Variants in CAMTA1 observed in about 807,000 individuals in gnomAD.
CAMTA1 encodes the protein calmodulin-binding transcription activator 1.
Under a neutral mutation model 170.9 loss-of-function variants are expected in CAMTA1, and 27 were observed. The ratio of observed to expected loss-of-function variants is 0.16; its 90% CI spans 0.12 to 0.22. The LOEUF is 0.22. Among genes scored for constraint, CAMTA1 ranks in the 10% least tolerant of loss-of-function variants. The pLI, the probability that CAMTA1 is intolerant of heterozygous loss-of-function variation, is 1.00. For synonymous variants in CAMTA1, 833 were observed against 891.5 expected (o/e 0.93, Z 1.17); for missense variants, 1,619 against 2,217.2 (o/e 0.73, Z 5.42).
intron 4 of CAMTA1, among the ~76,000 whole-genome samples, chr1:7,229,360 G>A (rs1050211478): frequency 2.0e-5 from 3 of 147,052 alleles, no homozygotes; most frequent in African/African-American, 7.6e-5. Flanking sequence ...GAGGCAGCTG[G>A]AGGCCAGGAC....
chr1:7,765,621 C>T (rs1377062918), intron 22 of CAMTA1, among the ~76,000 whole-genome samples: 3 of 152,102 alleles, frequency 2.0e-5, no homozygotes, highest in Admixed American at 1.3e-4. Context: ...ATCAAAGTCT[C>T]CACAAAACCT....
chr1:7,343,811 G>A (rs2084017529), intron 5 of CAMTA1, among the ~76,000 whole-genome samples: 1 of 152,064 alleles, frequency 6.6e-6, no homozygotes, highest in Admixed American at 6.5e-5. Context: ...GGTCTTCTGG[G>A]GTTGGCTTTT....
intron 5 of CAMTA1, among the ~76,000 whole-genome samples, chr1:7,353,438 T>TTG (rs1553143891): frequency 1.3e-5 from 2 of 151,108 alleles, no homozygotes; most frequent in African/African-American, 4.9e-5. Context: ...TCTCTTTTTT[T>TTG]TTTTGAGACG....
At chr1:6,950,308 C>T (rs1277042737) in intron 3 of CAMTA1, among the ~76,000 whole-genome samples, 1 of 152,172 alleles carries the variant, frequency 6.6e-6, no homozygotes, top group African/African-American at 2.4e-5. Context: ...ATCACAGCAG[C>T]CTCTTATCTT....
intron 6 of CAMTA1, among the ~76,000 whole-genome samples, chr1:7,555,067 T>C (rs556477933): frequency 1.6e-4 from 24 of 152,180 alleles, no homozygotes; most frequent in Admixed American, 7.8e-4. Context: ...CCCAAGTGCC[T>C]TTCAGCCTGC....
intron 1 of CAMTA1, among the ~76,000 whole-genome samples, chr1:6,817,153 A>C (rs920687116): frequency 6.6e-6 from 1 of 152,214 alleles, no homozygotes; most frequent in African/African-American, 2.4e-5. Context: ...GAAGTTGGGT[A>C]TAAAAATCCT....
chr1:6,879,758 A>C (rs571646687), intron 3 of CAMTA1, among the ~76,000 whole-genome samples: 1 of 151,354 alleles, frequency 6.6e-6, no homozygotes, highest in East Asian at 2.0e-4. Flanking sequence ...CCTCCCGAGT[A>C]GCTGGGACTA....
intron 3 of CAMTA1, among the ~76,000 whole-genome samples, chr1:7,019,553 C>T (rs758064947): frequency 9.9e-5 from 15 of 152,026 alleles, no homozygotes; most frequent in South Asian, 2.1e-4. Flanking sequence ...GGGGCACCAG[C>T]GACCCTTTCC....
At chr1:7,290,007 A>G (rs1672892899) in intron 5 of CAMTA1, among the ~76,000 whole-genome samples, 1 of 152,358 alleles carries the variant, frequency 6.6e-6, no homozygotes, top group East Asian at 1.9e-4. Context: ...GACTTCTGGC[A>G]TCCAGAACTC....
intron 3 of CAMTA1, among the ~76,000 whole-genome samples, chr1:7,034,443 G>C (rs1004474206): frequency 6.6e-6 from 1 of 152,178 alleles, no homozygotes; most frequent in East Asian, 1.9e-4. Flanking sequence ...CGTGAGCCAC[G>C]TGCCCAGCCG....
chr1:7,147,868 T>C (rs1346449176), intron 4 of CAMTA1, among the ~76,000 whole-genome samples: 2 of 132,544 alleles, frequency 1.5e-5, no homozygotes, highest in Admixed American at 7.7e-5. Context: ...TCATACACCA[T>C]GCACACACAC....
chr1:7,292,365 G>C (rs1673270734), intron 5 of CAMTA1, among the ~76,000 whole-genome samples: 1 of 152,118 alleles, frequency 6.6e-6, no homozygotes, highest in Non-Finnish European at 1.5e-5. Context: ...GTGTTTTCTT[G>C]AAGCCACCTT....
At chr1:7,737,139 A>G (rs924756389) in intron 14 of CAMTA1, 116 bp from the exon 15 acceptor site, 10 of 1,302,224 alleles carry the variant, frequency 7.7e-6, no homozygotes, top group Middle Eastern at 2.2e-4. Flanking sequence ...GGAATCTTCA[A>G]TGGCCCCACC....
chr1:6,860,335 A>G lies in CAMTA1; in HGVS notation c.234+35125A>G, dbSNP rs182473597. On this transcript the variant is annotated intron_variant, in intron 3 of 22. Coordinates refer to ENST00000303635, the MANE Select transcript of CAMTA1 (RefSeq NM_015215.4). ...TGTTTAATATAGCTGAACTTTTTTT[A>G]TATGTGAATGGGATGAGTTAGAGCT... is the stretch of plus-strand genomic sequence containing the variant. Among the ~76,000 whole-genome samples the G allele has an allele frequency of 3.9e-5, 6 of 152,186 alleles. 1 individual carries two copies. Among genetic ancestry groups the G allele is most frequent in the Admixed American group, 2.6e-4 (4 of 15,298 alleles).
At chr1:7,296,727 T>A (rs1279370320) in intron 5 of CAMTA1, among the ~76,000 whole-genome samples, 2 of 151,788 alleles carry the variant, frequency 1.3e-5, no homozygotes, top group African/African-American at 4.8e-5. Flanking sequence ...AGATGTCAAG[T>A]GGCCCATTGA....
At chr1:7,761,842 A>G (rs1006212552) in intron 22 of CAMTA1, among the ~76,000 whole-genome samples, 1 of 151,202 alleles carries the variant, frequency 6.6e-6, no homozygotes, top group Non-Finnish European at 1.5e-5. Flanking sequence ...GACAGATAGA[A>G]AACGATCTAA....
chr1:7,276,304 T>TATATATATATATATATAA (rs1553299266), intron 5 of CAMTA1, among the ~76,000 whole-genome samples: 1 of 14,954 alleles, frequency 6.7e-5, no homozygotes, highest in African/African-American at 3.3e-4. Context: ...TATATATATA[T>TATATATATATATATATAA]TTTTTTTTTT....
rs572173982 is a variant in CAMTA1, at chr1:7,435,801, C to T, written c.439-32029C>T. 3.3e-5 allele frequency among the ~76,000 whole-genome samples: 5 copies of T among 152,328 alleles called. No individual in the cohort carries two copies. Among genetic ancestry groups the T allele is most frequent in the South Asian group, 2.1e-4 (1 of 4,832 alleles). Reference sequence around the variant, plus strand: ...CACGCAGAGAGCCCTCCTCATGGCCCGGCTCAGGGAGCCACCCTCCCATTC... The same window carrying T: ...CACGCAGAGAGCCCTCCTCATGGCCTGGCTCAGGGAGCCACCCTCCCATTC... On this transcript the variant is annotated intron_variant, in intron 5 of 22. Transcript: ENST00000303635. This position sits in a 1 kb window ranked among gnomAD's most constrained non-coding sequence, Gnocchi z 4.4.
intron 5 of CAMTA1, among the ~76,000 whole-genome samples, chr1:7,328,275 T>C (rs539318210): frequency 2.6e-5 from 4 of 152,238 alleles, no homozygotes; most frequent in African/African-American, 7.2e-5. Flanking sequence ...GGCAGGCGGA[T>C]TGAGCTCAGG....
Sources: allele counts gnomAD v4.1 joint callset (sites outside exome capture counted in the v4.1 genomes callset), GRCh38; gene constraint gnomAD v4.1.1; non-coding constraint Gnocchi (gnomAD v3.1); transcripts MANE v1.5; gene names NCBI Gene and HGNC (gene_info 2026-07-23, HGNC 2026-07-21).